CAMSAP3: variants seen among roughly 807,000 people sequenced by gnomAD.
CAMSAP3 encodes the protein calmodulin regulated spectrin associated protein family member 3.
A neutral mutation model predicts 112.5 loss-of-function variants in CAMSAP3; 34 were observed. That is an observed-to-expected ratio of 0.30 (90% CI 0.23 to 0.40). CAMSAP3 has a LOEUF of 0.40. Ranked by LOEUF, CAMSAP3 falls within the 10% of genes least tolerant of loss-of-function variation. CAMSAP3 has a pLI of 1.00. For synonymous variants in CAMSAP3, 868 were observed against 799.8 expected (o/e 1.09, Z -1.44); for missense variants, 1,602 against 1,770.3 (o/e 0.90, Z 1.71).
Position 7,613,155 on chromosome 19 carries a change from T to A in CAMSAP3, c.2662T>A (p.Phe888Ile). ...GGAGCCCCGGGTGGGGCTGGGGTTC[T>A]TCTACAAGGTGAGTCCCCGAGCAGG... ...EGEPRVGLGF[F>I]YKDEDKPEDE... Residue 888 changes from phenylalanine (F) to isoleucine (I), a missense_variant, in exon 11 of 17, where the codon TTC (phenylalanine) becomes ATC (isoleucine). Physicochemically the swap from Phe to Ile is conservative, Grantham distance 21. Around this residue, in one of 6 missense-constraint regions of CAMSAP3, gnomAD observed 1,100 missense variants for 1,135.7 expected, o/e 0.97. Coordinates refer to ENST00000160298, the MANE Select transcript of CAMSAP3 (RefSeq NM_020902.2). The A allele has an allele frequency of 2.0e-6, 3 of 1,521,434 alleles. No homozygotes were observed. The highest frequency in any genetic ancestry group is 2.7e-6 in the Non-Finnish European group (3 of 1,129,966). 94.2% of individuals were successfully genotyped at this position (1,521,434 alleles called of 1,614,324 possible). A position where few individuals can be genotyped will look rare whatever the true frequency, so the allele number is the denominator to read the frequency against.
intron 1 of CAMSAP3, among the ~76,000 whole-genome samples, chr19:7,603,646 G>T (rs948709068): frequency 6.6e-6 from 1 of 151,818 alleles, no homozygotes; most frequent in Non-Finnish European, 1.5e-5. Context: ...CAGGAAATTC[G>T]AAACCAGCCT....
rs770369436 is a variant in CAMSAP3 at position 7,611,219 on chromosome 19, A to T, written c.1123+51A>T. ...TCACGGGGGACCCCCCCACTCACAGACTGCCCCAGTGGGCCTCATGTTGTC... is the reference window on the plus strand; with the variant it reads ...TCACGGGGGACCCCCCCACTCACAGTCTGCCCCAGTGGGCCTCATGTTGTC... On this transcript the variant is annotated intron_variant, in intron 9 of 16. Coordinates refer to ENST00000160298, the MANE Select transcript of CAMSAP3 (RefSeq NM_020902.2). This position sits in a 1 kb window ranked among gnomAD's most constrained non-coding sequence, Gnocchi z 6.9. 6.4e-7 allele frequency: 1 copy of T among 1,569,284 alleles called. No homozygotes were observed.
At chr19:7,603,040 G>A (rs957486174) in intron 1 of CAMSAP3, among the ~76,000 whole-genome samples, 2 of 152,042 alleles carry the variant, frequency 1.3e-5, no homozygotes, top group South Asian at 2.1e-4. Flanking sequence ...TGCGGGTGGC[G>A]CGTTAAGTGG....
At chr19:7,604,692 C>G (rs111796881) in intron 1 of CAMSAP3, among the ~76,000 whole-genome samples, 34 of 152,074 alleles carry the variant, frequency 2.2e-4, no homozygotes, top group Non-Finnish European at 4.6e-4. Context: ...TGGGTCTAAC[C>G]CCAGTCCTGG....
In CAMSAP3 at chr19:7,607,953, G is replaced by T; in HGVS notation, c.622-173G>T. The stretch of plus-strand genomic sequence containing the variant: ...CTGGCTGCTCGAAGACATCTCCTCT[G>T]CCTCTTGCTGCTGCCCCTCCCCTGC... On this transcript the variant is annotated intron_variant, in intron 4 of 16. Transcript: ENST00000160298. The surrounding 1 kb of genome is among the most constrained non-coding windows in gnomAD (Gnocchi z 4.9). 1 of 854,648 alleles carries T rather than the reference G, an allele frequency of 1.2e-6. No individual in the cohort carries two copies. Among genetic ancestry groups the T allele is most frequent in the Non-Finnish European group, 1.9e-6 (1 of 518,960 alleles). 52.9% of individuals were successfully genotyped at this position (854,648 alleles called of 1,614,324 possible). A position where few individuals can be genotyped will look rare whatever the true frequency, so the allele number is the denominator to read the frequency against.
In CAMSAP3 at chr19:7,612,935, G is replaced by A. The variant is rs2030583315; in HGVS notation, c.2442G>A (p.Ser814=). Residue 814 remains serine (S), a synonymous_variant, in exon 11 of 17, where the codon TCG becomes TCA. Transcript: ENST00000160298. ...VDSLPHLRKF[S]PSQVPVQTRS... ...GCCTCCCCCACCTGCGCAAGTTCTC[G>A]CCGAGCCAGGTGCCCGTGCAGACGC... 6 of 1,609,114 alleles carry A rather than the reference G, an allele frequency of 3.7e-6. No individual in the cohort carries two copies. The highest frequency in any genetic ancestry group is 2.2e-5 in the East Asian group (1 of 44,684).
rs774515937 is a variant in CAMSAP3 at position 7,612,723 on chromosome 19, G to A, written c.2230G>A (p.Val744Ile). 8.5e-6 allele frequency: 13 copies of A among 1,530,758 alleles called. No individual in the cohort carries two copies. The highest frequency in any genetic ancestry group is 1.1e-5 in the Non-Finnish European group (13 of 1,143,900). 94.8% of individuals were successfully genotyped at this position (1,530,758 alleles called of 1,614,324 possible). A position where few individuals can be genotyped will look rare whatever the true frequency, so the allele number is the denominator to read the frequency against. ...ATCCGCCCCACCACCTGCTGCGTGG[G>A]TCATCCCTGGCCCCACGACGGGGCC... ...PGSAPPPAAW[V>I]IPGPTTGPKA... The change falls in exon 11 of 17, where the codon GTC becomes ATC. Residue 744 changes from valine to isoleucine, a missense_variant. By Grantham distance (29) the Val-to-Ile change is conservative. Around this residue, in one of 6 missense-constraint regions of CAMSAP3, gnomAD observed 1,100 missense variants for 1,135.7 expected, o/e 0.97. Transcript: ENST00000160298.
At position 7,612,377 on chromosome 19, in the gene CAMSAP3, C is replaced by A; in HGVS notation, c.1884C>A (p.His628Gln). 1.3e-6 allele frequency: 2 copies of A among 1,599,458 alleles called. No homozygotes were observed. Among genetic ancestry groups the A allele is most frequent in the Non-Finnish European group, 1.7e-6 (2 of 1,175,930 alleles). ...KRRIEAIFAK[H>Q]RQRLGKSAFL... is the part of the protein sequence containing the mutation. ...GGATTGAGGCCATATTCGCCAAGCA[C>A]CGCCAGCGGCTGGGCAAAAGCGCCT... Residue 628 changes from histidine (H) to glutamine (Q), a missense_variant, in exon 11 of 17, where the codon CAC becomes CAA. His to Gln is a conservative substitution (Grantham distance 24). Around this residue, in one of 6 missense-constraint regions of CAMSAP3, gnomAD observed 1,100 missense variants for 1,135.7 expected, o/e 0.97. Transcript: ENST00000160298.
chr19:7,613,209 G>T, intron 11 of CAMSAP3, 46 bp downstream of exon 11: 1 of 1,197,432 alleles, frequency 8.4e-7, no homozygotes, highest in Non-Finnish European at 1.1e-6. Flanking sequence ...CCTGGGGCGG[G>T]GGCGGGTGGG....
At chr19:7,601,383 A>G (rs4804754) in intron 1 of CAMSAP3, among the ~76,000 whole-genome samples, 20,972 of 152,122 alleles carry the variant, frequency 0.14, 1,528 homozygotes, top group Non-Finnish European at 0.15. Context: ...CCGGGGCACA[A>G]TCTCGGCTCA....
chr19:7,604,809 G>A (rs1157047136), intron 1 of CAMSAP3, among the ~76,000 whole-genome samples: 4 of 152,260 alleles, frequency 2.6e-5, no homozygotes, highest in Non-Finnish European at 5.9e-5. Context: ...GCCTCCTAGC[G>A]TTGATGTAAG....
At position 7,611,727 on chromosome 19, in the gene CAMSAP3, G is replaced by A; in HGVS notation, c.1234G>A (p.Gly412Ser). Residue 412 changes from glycine (G) to serine (S), a missense_variant, in exon 11 of 17, where the codon GGC becomes AGC. Gly to Ser is a moderately conservative substitution (Grantham distance 56). Around this residue, in one of 6 missense-constraint regions of CAMSAP3, gnomAD observed 1,100 missense variants for 1,135.7 expected, o/e 0.97. Transcript: ENST00000160298. This position sits in a 1 kb window ranked among gnomAD's most constrained non-coding sequence, Gnocchi z 6.9. The part of the protein sequence containing the change: ...SQAVSFSTPF[G>S]LDSDVDVVMG... Reference sequence around the variant, plus strand: ...GGCTGTGTCATTCAGCACCCCCTTTGGCCTGGACAGCGACGTGGATGTCGT... The same window carrying A: ...GGCTGTGTCATTCAGCACCCCCTTTAGCCTGGACAGCGACGTGGATGTCGT... The A allele has an allele frequency of 1.3e-6, 2 of 1,565,138 alleles. No individual in the cohort carries two copies. Among genetic ancestry groups the A allele is most frequent in the Non-Finnish European group, 1.7e-6 (2 of 1,153,604 alleles).
Position 7,599,372 on chromosome 19 carries a change from TCA to T in CAMSAP3, c.148+3223_148+3224del, listed in dbSNP as rs1568437626. The stretch of plus-strand genomic sequence containing the variant: ...TCCATCCACCCATCCATCCACCCAC[TCA>T]TCCATCCATCCACCCATCCATCCAC... On this transcript the variant is annotated intron_variant, in intron 1 of 16. Coordinates refer to ENST00000160298, the MANE Select transcript of CAMSAP3 (RefSeq NM_020902.2). 2.9e-4 allele frequency among the ~76,000 whole-genome samples: 23 copies of T among 78,496 alleles called. No individual in the cohort carries two copies. In the East Asian group the frequency reaches 6.7e-3, roughly 23 times the overall value. The allele number at this position is 78,496 out of a possible 152,430, so 51.5% of individuals were successfully genotyped here.
chr19:7,596,206 T>TGG lies in CAMSAP3; in HGVS notation c.148+64_148+65dup, dbSNP rs539158902. The stretch of plus-strand genomic sequence containing the variant: ...GCGGCGGGCCGGGCGCGGCAGGTGC[T>TGG]GGGGGGGGGCGGGGCGCCGGGCCGG... On this transcript the variant is annotated intron_variant, in intron 1 of 16. Transcript: ENST00000160298. The TGG allele has an allele frequency of 8.6e-3, 864 of 99,936 alleles. 2 individuals are homozygous for TGG. The highest frequency in any genetic ancestry group is 0.011 in the Middle Eastern group (2 of 178). 6.2% of individuals were successfully genotyped at this position (99,936 alleles called of 1,614,324 possible).
At position 7,611,008 on chromosome 19, in the gene CAMSAP3, G is replaced by A. The variant is rs887293864; in HGVS notation, c.1049+77G>A. ...TGTCTGCCTTGCTGAGCACTGGGAC[G>A]CAGCTGGGTGATGCTGTTGTCTCCC... On this transcript the variant is annotated intron_variant, in intron 8 of 16. Coordinates refer to ENST00000160298, the MANE Select transcript of CAMSAP3 (RefSeq NM_020902.2). This position sits in a 1 kb window ranked among gnomAD's most constrained non-coding sequence, Gnocchi z 6.9. 6 of 1,583,330 alleles carry A rather than the reference G, an allele frequency of 3.8e-6. No homozygotes were observed. The highest frequency in any genetic ancestry group is 1.1e-5 in the South Asian group (1 of 89,138).
intron 4 of CAMSAP3, 119 bp downstream of exon 4, chr19:7,606,690 T>C: frequency 6.3e-7 from 1 of 1,583,822 alleles, no homozygotes; most frequent in South Asian, 1.1e-5. Flanking sequence ...CACTCTCTCT[T>C]TCTTCCCCCC....
chr19:7,600,677 C>T (rs1354896303), intron 1 of CAMSAP3, among the ~76,000 whole-genome samples: 4 of 72,992 alleles, frequency 5.5e-5, no homozygotes, highest in Admixed American at 1.5e-4. Context: ...CATCCATCCA[C>T]CCACCCACTC....
rs1413445685 is a variant in CAMSAP3, at chr19:7,606,266, C to A, written c.403-5C>A. The A allele has an allele frequency of 6.2e-7, 1 of 1,613,348 alleles. No individual in the cohort carries two copies. Among genetic ancestry groups the A allele is most frequent in the Non-Finnish European group, 8.5e-7 (1 of 1,179,994 alleles). On this transcript the variant is annotated splice_region_variant and splice_polypyrimidine_tract_variant and intron_variant, in intron 2 of 16. Transcript: ENST00000160298. ...GGTCTCACCCTCTAGCGCTTGCCCC[C>A]ACAGGGAGCCCACCTAGCTGTCATT...
intron 11 of CAMSAP3, among the ~76,000 whole-genome samples, chr19:7,613,365 G>A (rs1599360411): frequency 1.3e-5 from 2 of 150,756 alleles, no homozygotes; most frequent in Non-Finnish European, 1.5e-5. Context: ...GGTGGGAGAG[G>A]GGGGAAAGGG....
Sources: gnomAD v4.1 joint callset for allele counts (sites outside exome capture counted in the v4.1 genomes callset) on GRCh38, gnomAD v4.1.1 for gene constraint, gnomAD v4.1.1 regional missense constraint, Gnocchi (gnomAD v3.1) non-coding constraint, MANE v1.5 for transcripts, NCBI Gene and HGNC (gene_info 2026-07-23, HGNC 2026-07-21) for gene names.